Variants in ENTREP2 observed in about 807,000 individuals in gnomAD.
ENTREP2 encodes endosomal transmembrane epsin interactor 2.
the ENTREP2 span, chr15:29,373,491 T>G: frequency 6.6e-6 from 1 of 152,202 alleles, no homozygotes; most frequent in Admixed American, 6.5e-5. Context: ...GCTCCTCCAG[T>G]TTAGTCTCAC....
the ENTREP2 span, among the ~76,000 whole-genome samples, chr15:29,540,019 T>TC: frequency 6.6e-6 from 1 of 152,110 alleles, no homozygotes; most frequent in African/African-American, 2.4e-5. Context: ...GGCCAGTGGC[T>TC]CCCGTGCACC....
At chr15:29,539,432 T>C in the ENTREP2 span, among the ~76,000 whole-genome samples, 1 of 152,052 alleles carries the variant, frequency 6.6e-6, no homozygotes, top group Non-Finnish European at 1.5e-5. Context: ...AGTTTCAGAA[T>C]CTGGGCTCTG....
the ENTREP2 span, among the ~76,000 whole-genome samples, chr15:29,599,748 T>G: frequency 6.6e-6 from 1 of 152,220 alleles, no homozygotes; most frequent in Admixed American, 6.5e-5. Context: ...AGATGATATA[T>G]GTTTTAAAAG....
the ENTREP2 span, among the ~76,000 whole-genome samples, chr15:29,402,347 C>G: frequency 3.4e-5 from 5 of 145,114 alleles, no homozygotes; most frequent in Non-Finnish European, 7.6e-5. Flanking sequence ...ACAAGGTCTC[C>G]CTCTGTAGCC....
At chr15:29,217,757 A>C in the ENTREP2 span, among the ~76,000 whole-genome samples, 1 of 152,084 alleles carries the variant, frequency 6.6e-6, no homozygotes, top group Non-Finnish European at 1.5e-5. Flanking sequence ...TTTTTCAGGT[A>C]GATCAGGGAC....
the ENTREP2 span, among the ~76,000 whole-genome samples, chr15:29,199,339 G>T: frequency 4.4e-3 from 675 of 152,298 alleles, 3 homozygotes; most frequent in Middle Eastern, 0.01. Flanking sequence ...GAAAAAAAGG[G>T]AAGATGGGAT....
At chr15:29,567,330 G>T in the ENTREP2 span, among the ~76,000 whole-genome samples, 2 of 152,078 alleles carry the variant, frequency 1.3e-5, no homozygotes, top group African/African-American at 4.8e-5. Context: ...AATTTCTCTT[G>T]TATCTTCACC....
At chr15:29,562,424 C>G in the ENTREP2 span, among the ~76,000 whole-genome samples, 1 of 152,226 alleles carries the variant, frequency 6.6e-6, no homozygotes, top group Admixed American at 6.5e-5. Context: ...AGCTTTCTCC[C>G]AAAACACTGA....
the ENTREP2 span, among the ~76,000 whole-genome samples, chr15:29,226,518 A>G: frequency 1.3e-5 from 2 of 152,234 alleles, no homozygotes; most frequent in African/African-American, 4.8e-5. Context: ...GATTAGTACA[A>G]TAAAGGCTGT....
the ENTREP2 span, among the ~76,000 whole-genome samples, chr15:29,387,500 C>T: frequency 6.6e-6 from 1 of 152,168 alleles, no homozygotes; most frequent in Admixed American, 6.5e-5. Flanking sequence ...ACATTCCATG[C>T]TCATGGATAG....
chr15:29,393,610 T>C, the ENTREP2 span, among the ~76,000 whole-genome samples: 9 of 152,264 alleles, frequency 5.9e-5, no homozygotes, highest in East Asian at 1.7e-3. Context: ...GTATAGTTGT[T>C]CTATAGGAGA....
At chr15:29,401,056 C>T in the ENTREP2 span, among the ~76,000 whole-genome samples, 7 of 152,226 alleles carry the variant, frequency 4.6e-5, no homozygotes, top group African/African-American at 1.7e-4. Context: ...ATGGCACAGA[C>T]ACAAACCCCA....
At chr15:29,656,486 C>T in the ENTREP2 span, among the ~76,000 whole-genome samples, 2 of 152,228 alleles carry the variant, frequency 1.3e-5, no homozygotes, top group South Asian at 4.1e-4. Flanking sequence ...CTCAGCCTCC[C>T]AAAGTGCTAC....
At chr15:29,674,316 C>T in the ENTREP2 span, among the ~76,000 whole-genome samples, 14 of 152,310 alleles carry the variant, frequency 9.2e-5, no homozygotes, top group South Asian at 2.3e-3. Context: ...GTCGCCCAGG[C>T]TGGAGTGCAG....
At chr15:29,323,812 T>C in the ENTREP2 span, among the ~76,000 whole-genome samples, 1 of 152,148 alleles carries the variant, frequency 6.6e-6, no homozygotes, top group African/African-American at 2.4e-5. Context: ...GTGTTGATTA[T>C]CGTTGTGCTG....
chr15:29,460,685 C>G, the ENTREP2 span, among the ~76,000 whole-genome samples: 190 of 152,282 alleles, frequency 1.2e-3, 1 homozygote, highest in South Asian at 0.015. Context: ...ATCATCACAT[C>G]TAACTGGAGT....
At chr15:29,294,027 C>G in the ENTREP2 span, among the ~76,000 whole-genome samples, 3 of 152,136 alleles carry the variant, frequency 2.0e-5, no homozygotes. Context: ...ATGTCACTGC[C>G]AAGGAATCTT....
the ENTREP2 span, among the ~76,000 whole-genome samples, chr15:29,342,958 C>T: frequency 6.8e-6 from 1 of 146,766 alleles, no homozygotes; most frequent in African/African-American, 2.5e-5. Flanking sequence ...AAAGTTTTTG[C>T]TTTGATATGG....
the ENTREP2 span, among the ~76,000 whole-genome samples, chr15:29,492,702 ATTG>A: frequency 1.3e-5 from 2 of 152,204 alleles, no homozygotes; most frequent in African/African-American, 4.8e-5. Flanking sequence ...TGTTAAAATA[ATTG>A]TTAAAATTTT....
Sources: gnomAD v4.1 joint callset for allele counts (sites outside exome capture counted in the v4.1 genomes callset) on GRCh38, gnomAD v4.1.1 for gene constraint, MANE v1.5 for transcripts, NCBI Gene and HGNC (gene_info 2026-07-23, HGNC 2026-07-21) for gene names.